TAFA1: variants seen among roughly 807,000 people sequenced by gnomAD.
TAFA1 encodes chemokine-like protein TAFA-1.
A neutral mutation model predicts 18.5 loss-of-function variants in TAFA1; 4 were observed. That is an observed-to-expected ratio of 0.22 (90% confidence interval 0.11 to 0.49). TAFA1 has a LOEUF of 0.49. TAFA1 is among the 20% of genes least tolerant of loss of function. TAFA1 has a pLI of 0.98. For synonymous variants in TAFA1, 56 were observed against 55.2 expected, an observed-to-expected ratio of 1.01 and a Z score of -0.06; for missense variants, 147 against 169.0, an observed-to-expected ratio of 0.87 and a Z score of 0.72.
intron 3 of TAFA1, among the ~76,000 whole-genome samples, chr3:68,439,404 T>TATGC (rs1559670624): frequency 2.3e-5 from 2 of 85,740 alleles, no homozygotes; most frequent in African/African-American, 8.9e-5. Context: ...ATAGAATATA[T>TATGC]ATACATACAT....
rs996064778 is a variant in TAFA1 at position 68,006,467 on chromosome 3, C to T, written c.-3-157C>T. The T allele has an allele frequency of 8.5e-6, 5 of 589,272 alleles. No individual in the cohort carries two copies. In the Admixed American group the frequency reaches 8.6e-5, roughly 10 times the overall value. 36.5% of individuals were successfully genotyped at this position (589,272 alleles called of 1,614,324 possible). The stretch of plus-strand genomic sequence containing the variant: ...CATCTGAAAAGGGCTTTCTCTCAAT[C>T]CCACTTCATGGCATGACCTCTGCTG... On this transcript the variant is annotated intron_variant, in intron 1 of 4. Coordinates refer to ENST00000478136, the MANE Select transcript of TAFA1 (RefSeq NM_213609.4).
At chr3:68,511,042 T>G (rs560500054) in intron 3 of TAFA1, among the ~76,000 whole-genome samples, 6 of 152,178 alleles carry the variant, frequency 3.9e-5, no homozygotes, top group African/African-American at 1.4e-4. Flanking sequence ...GTATTGATTT[T>G]CCAGAGTATA....
chr3:68,373,242 AC>A (rs2069746575), intron 2 of TAFA1, among the ~76,000 whole-genome samples: 1 of 152,214 alleles, frequency 6.6e-6, no homozygotes, highest in Admixed American at 6.5e-5. Context: ...TATAAGGAAC[AC>A]CTACTAAGTG....
At chr3:68,389,575 T>C (rs966873647) in intron 2 of TAFA1, among the ~76,000 whole-genome samples, 7 of 152,172 alleles carry the variant, frequency 4.6e-5, no homozygotes, top group Non-Finnish European at 1.0e-4. Flanking sequence ...CCGGGCAAGA[T>C]GGCCAAATAG....
intron 3 of TAFA1, among the ~76,000 whole-genome samples, chr3:68,490,694 T>C (rs1559691363): frequency 6.6e-6 from 1 of 152,192 alleles, no homozygotes; most frequent in Admixed American, 6.5e-5. Flanking sequence ...AAATATGCCA[T>C]TTACATTAAC....
intron 2 of TAFA1, among the ~76,000 whole-genome samples, chr3:68,226,441 T>A (rs1012049268): frequency 2.0e-5 from 3 of 152,220 alleles, no homozygotes; most frequent in Admixed American, 1.3e-4. Context: ...AATATTTACT[T>A]GCCCTCCTCT....
chr3:68,345,767 G>C (rs540421904), intron 2 of TAFA1, among the ~76,000 whole-genome samples: 6 of 152,176 alleles, frequency 3.9e-5, no homozygotes, highest in Non-Finnish European at 8.8e-5. Context: ...TTAAATGAAG[G>C]TTTTGGAAAA....
intron 3 of TAFA1, among the ~76,000 whole-genome samples, chr3:68,513,206 A>C (rs1293171102): frequency 6.6e-6 from 1 of 152,134 alleles, no homozygotes; most frequent in African/African-American, 2.4e-5. Flanking sequence ...CAGATCTTCT[A>C]ACTCTTTTAG....
chr3:68,121,116 C>G (rs1479638379), intron 2 of TAFA1, among the ~76,000 whole-genome samples: 1 of 151,366 alleles, frequency 6.6e-6, no homozygotes, highest in Non-Finnish European at 1.5e-5. Context: ...ATAGATTTCT[C>G]CAAGGAAAAG....
intron 2 of TAFA1, among the ~76,000 whole-genome samples, chr3:68,264,142 C>A (rs13079637): frequency 0.11 from 17,070 of 151,972 alleles, 1,001 homozygotes; most frequent in African/African-American, 0.13. Context: ...TGGTGGTAGG[C>A]ACCTGTAATC....
chr3:68,242,497 T>A (rs368515461), intron 2 of TAFA1, among the ~76,000 whole-genome samples: 4 of 152,216 alleles, frequency 2.6e-5, no homozygotes, highest in African/African-American at 9.6e-5. Flanking sequence ...TAAAGTATAA[T>A]ACATCTCTAG....
At chr3:68,347,759 T>A (rs573020379) in intron 2 of TAFA1, among the ~76,000 whole-genome samples, 1 of 152,334 alleles carries the variant, frequency 6.6e-6, no homozygotes, top group South Asian at 2.1e-4. Flanking sequence ...TACCTTTTAA[T>A]CATATCATAT....
intron 2 of TAFA1, among the ~76,000 whole-genome samples, chr3:68,156,501 T>G (rs1400435851): frequency 6.6e-6 from 1 of 152,172 alleles, no homozygotes; most frequent in African/African-American, 2.4e-5. Flanking sequence ...AGTTTCCTCA[T>G]CTGCAAAATA....
intron 2 of TAFA1, among the ~76,000 whole-genome samples, chr3:68,223,530 A>G (rs1423375613): frequency 2.3e-5 from 2 of 87,318 alleles, no homozygotes; most frequent in Non-Finnish European, 5.1e-5. Flanking sequence ...GCCTGTTAGG[A>G]CCATTTTTTT....
chr3:68,036,936 C>T (rs1478980285), intron 2 of TAFA1, among the ~76,000 whole-genome samples: 5 of 152,150 alleles, frequency 3.3e-5, no homozygotes, highest in Admixed American at 2.6e-4. Context: ...ACTTATCTAA[C>T]ACTTATTGAG....
At chr3:68,027,065 C>T (rs940432167) in intron 2 of TAFA1, among the ~76,000 whole-genome samples, 47 of 151,894 alleles carry the variant, frequency 3.1e-4, no homozygotes, top group Admixed American at 9.2e-4. Flanking sequence ...AGTATCATGA[C>T]GATGGTACCA....
chr3:68,464,288 T>C (rs1458822613), intron 3 of TAFA1, among the ~76,000 whole-genome samples: 1 of 152,110 alleles, frequency 6.6e-6, no homozygotes, highest in Non-Finnish European at 1.5e-5. Flanking sequence ...AAAAAGAATA[T>C]AAATGCATTC....
At chr3:68,022,853 TA>T (rs1704725991) in intron 2 of TAFA1, among the ~76,000 whole-genome samples, 1 of 144,954 alleles carries the variant, frequency 6.9e-6, no homozygotes, top group African/African-American at 2.6e-5. Flanking sequence ...TATATATATA[TA>T]TATATAAAAT....
intron 2 of TAFA1, among the ~76,000 whole-genome samples, chr3:68,298,514 A>T (rs138833382): frequency 6.6e-5 from 10 of 152,138 alleles, no homozygotes; most frequent in African/African-American, 2.2e-4. Context: ...AAAAACACTT[A>T]TATGGTTTAG....
Sources: allele counts gnomAD v4.1 joint callset (sites outside exome capture counted in the v4.1 genomes callset), GRCh38; gene constraint gnomAD v4.1.1; transcripts MANE v1.5; gene names NCBI Gene and HGNC (gene_info 2026-07-23, HGNC 2026-07-21).